Variants in ATP10B observed in about 807,000 individuals in gnomAD.
The protein encoded by ATP10B is ATPase phospholipid transporting 10B (putative), also known as phospholipid-transporting ATPase VB.
Under a neutral mutation model 141.2 loss-of-function variants are expected in ATP10B, and 122 were observed. The ratio of observed to expected loss-of-function variants is 0.86; its 90% CI spans 0.75 to 1.00. The LOEUF (loss-of-function observed/expected upper bound fraction) is 1.00, where lower values mean the gene tolerates loss of function less well. ATP10B is among the 50% of genes least tolerant of loss of function. ATP10B has a pLI of 0.00. For synonymous variants in ATP10B, 685 were observed against 692.0 expected, an observed-to-expected ratio of 0.99 and a Z score of 0.16; for missense variants, 1,876 against 1,825.3, an observed-to-expected ratio of 1.03 and a Z score of -0.51.
rs1018888122 is a variant in ATP10B at position 160,828,265 on chromosome 5, G to A, written c.-576+23676C>T. ...CAGCAAAAGAAACTACCATCAGAGT[G>A]AACAGGCAACCTACAAAATGGGAGA... is the stretch of plus-strand genomic sequence containing the variant. On this transcript the variant is annotated intron_variant, in intron 1 of 25. Coordinates refer to ENST00000327245, the MANE Select transcript of ATP10B (RefSeq NM_025153.3). 1.0e-3 allele frequency among the ~76,000 whole-genome samples: 153 copies of A among 152,100 alleles called. 1 individual carries two copies. Among genetic ancestry groups the A allele is most frequent in the African/African-American group, 3.4e-3 (143 of 41,470 alleles).
chr5:160,621,006 A>C, intron 14 of ATP10B, 56 bp from the exon 15 acceptor site: 1 of 1,546,774 alleles, frequency 6.5e-7, no homozygotes, highest in East Asian at 2.3e-5. Flanking sequence ...AATAATACCA[A>C]GTTGTCTTAT....
the ATP10B span, among the ~76,000 whole-genome samples, chr5:160,895,440 C>CA: frequency 1.3e-5 from 2 of 151,656 alleles, no homozygotes; most frequent in Middle Eastern, 3.4e-3. Context: ...CCAACAAAGA[C>CA]AAAAAAAGAC....
chr5:160,617,137 C>T (rs368144577), intron 16 of ATP10B, among the ~76,000 whole-genome samples: 17 of 152,198 alleles, frequency 1.1e-4, no homozygotes, highest in East Asian at 9.6e-4. Context: ...TGCAAGAGAA[C>T]CCATGTCTAG....
intron 1 of ATP10B, among the ~76,000 whole-genome samples, chr5:160,801,792 T>C (rs1193359629): frequency 6.6e-6 from 1 of 152,172 alleles, no homozygotes; most frequent in Non-Finnish European, 1.5e-5. Context: ...AAACCTGGAT[T>C]CCAAGTTCAG....
intron 2 of ATP10B, among the ~76,000 whole-genome samples, chr5:160,750,791 C>T (rs1768100707): frequency 6.6e-6 from 1 of 152,020 alleles, no homozygotes; most frequent in South Asian, 2.1e-4. Context: ...CATTTTTTGC[C>T]CTAAGCCCTC....
chr5:160,878,153 C>T, the ATP10B span, among the ~76,000 whole-genome samples: 2 of 149,972 alleles, frequency 1.3e-5, no homozygotes, highest in Admixed American at 1.3e-4. Context: ...CTACAGTAAC[C>T]AAAACAGCAT....
In ATP10B at chr5:160,607,919, G is replaced by T. The variant is rs1210059402; in HGVS notation, c.2839-833C>A. Among the ~76,000 whole-genome samples the T allele has an allele frequency of 7.2e-5, 11 of 152,152 alleles. No homozygotes were observed. In the South Asian group the frequency reaches 2.3e-3, roughly 32 times the overall value. On this transcript the variant is annotated intron_variant, in intron 18 of 25. Transcript: ENST00000327245. ...TTTAATAAAATCATGGCAGAAAACA[G>T]CATTATCAATTCATTTATTTTTATT...
At chr5:160,677,265 T>G (rs994335193) in intron 6 of ATP10B, among the ~76,000 whole-genome samples, 1 of 152,108 alleles carries the variant, frequency 6.6e-6, no homozygotes, top group Non-Finnish European at 1.5e-5. Flanking sequence ...TTCGCCCAAA[T>G]GGTTTATGGC....
intron 9 of ATP10B, 32 bp downstream of exon 9, chr5:160,644,106 A>C: frequency 6.3e-7 from 1 of 1,584,394 alleles, no homozygotes; most frequent in Non-Finnish European, 8.7e-7. Flanking sequence ...ATAAAGGAAA[A>C]TTCAGACAAA....
At chr5:160,580,779 G>A (rs907607094) in intron 24 of ATP10B, among the ~76,000 whole-genome samples, 6 of 152,212 alleles carry the variant, frequency 3.9e-5, no homozygotes, top group Middle Eastern at 3.4e-3. Flanking sequence ...CTGTGAATCC[G>A]TCTGGTCCTG....
At chr5:160,730,986 T>A (rs116781876) in intron 2 of ATP10B, among the ~76,000 whole-genome samples, 151 of 152,254 alleles carry the variant, frequency 9.9e-4, no homozygotes, top group Non-Finnish European at 1.9e-3. Flanking sequence ...TTCTCTGGGT[T>A]CTCTGTAAGA....
At chr5:160,810,751 G>T (rs902563147) in intron 1 of ATP10B, among the ~76,000 whole-genome samples, 1 of 152,078 alleles carries the variant, frequency 6.6e-6, no homozygotes, top group African/African-American at 2.4e-5. Flanking sequence ...GAAAATTTTA[G>T]ATTTCCTTAT....
intron 2 of ATP10B, among the ~76,000 whole-genome samples, chr5:160,732,320 A>T (rs2915800): frequency 0.83 from 125,810 of 151,778 alleles, 52,341 homozygotes; most frequent in African/African-American, 0.88. Context: ...TAAAATTATC[A>T]ATTTTTGCTT....
At chr5:160,648,884 T>C (rs1760487743) in intron 8 of ATP10B, among the ~76,000 whole-genome samples, 1 of 150,792 alleles carries the variant, frequency 6.6e-6, no homozygotes, top group Admixed American at 6.6e-5. Flanking sequence ...TTCACCTTCC[T>C]GAATCAGAGC....
chr5:160,630,081 G>A (rs772752096), intron 13 of ATP10B, among the ~76,000 whole-genome samples: 2 of 152,134 alleles, frequency 1.3e-5, no homozygotes, highest in Non-Finnish European at 2.9e-5. Flanking sequence ...AAATACAATT[G>A]TTCCACTAAC....
At chr5:160,652,960 TACATG>T (rs1561702429) in intron 7 of ATP10B, among the ~76,000 whole-genome samples, 37 of 85,648 alleles carry the variant, frequency 4.3e-4, no homozygotes, top group South Asian at 1.3e-3. Context: ...ATATTATATA[TACATG>T]TATATATAAT....
intron 1 of ATP10B, among the ~76,000 whole-genome samples, chr5:160,805,796 G>T (rs188520196): frequency 3.3e-5 from 5 of 152,206 alleles, no homozygotes; most frequent in Middle Eastern, 3.4e-3. Flanking sequence ...TATTAGTCAG[G>T]GTTCTCCAGA....
intron 18 of ATP10B, among the ~76,000 whole-genome samples, chr5:160,608,378 C>T (rs757153351): frequency 9.2e-5 from 14 of 152,016 alleles, no homozygotes; most frequent in South Asian, 4.2e-4. Context: ...TGAATAGTGC[C>T]GCAATAAACA....
intron 1 of ATP10B, among the ~76,000 whole-genome samples, chr5:160,818,163 C>G (rs1365942129): frequency 6.6e-6 from 1 of 152,134 alleles, no homozygotes. Context: ...TCTAATTAAA[C>G]TAAAGAGCTT....
Sources: gnomAD v4.1 joint callset for allele counts (sites outside exome capture counted in the v4.1 genomes callset) on GRCh38, gnomAD v4.1.1 for gene constraint, MANE v1.5 for transcripts, NCBI Gene and HGNC (gene_info 2026-07-23, HGNC 2026-07-21) for gene names.